PACS1: variants seen among roughly 807,000 people sequenced by gnomAD.
PACS1 encodes PACS-1.
In PACS1, 24 loss-of-function variants were observed where a neutral mutation model predicts 115.0. The observed-to-expected ratio is 0.21, with a 90% CI of 0.15 to 0.29. PACS1 has a LOEUF of 0.29. Ranked by LOEUF, PACS1 falls within the 10% of genes least tolerant of loss-of-function variation. The pLI is 1.00. For synonymous variants in PACS1, 453 were observed against 504.5 expected, an observed-to-expected ratio of 0.90 and a Z score of 1.37; for missense variants, 838 against 1,251.2, an observed-to-expected ratio of 0.67 and a Z score of 4.98.
chr11:66,202,427 A>C (rs1010528633), intron 2 of PACS1, among the ~76,000 whole-genome samples: 2 of 152,140 alleles, frequency 1.3e-5, no homozygotes, highest in African/African-American at 2.4e-5. Flanking sequence ...ACTGATACAA[A>C]AATCATCAAG....
chr11:66,107,467 C>G (rs1858076434), intron 1 of PACS1, among the ~76,000 whole-genome samples: 1 of 152,084 alleles, frequency 6.6e-6, no homozygotes, highest in African/African-American at 2.4e-5. Flanking sequence ...TCCCTGTTTC[C>G]AGGTAGAATG....
intron 1 of PACS1, among the ~76,000 whole-genome samples, chr11:66,128,129 A>C (rs141517675): frequency 1.2e-3 from 180 of 152,324 alleles, no homozygotes; most frequent in African/African-American, 4.0e-3. Context: ...GAGATGAATG[A>C]ACCAATAGTC....
chr11:66,135,462 T>C (rs1166734904), intron 1 of PACS1, among the ~76,000 whole-genome samples: 3 of 152,216 alleles, frequency 2.0e-5, no homozygotes, highest in Non-Finnish European at 4.4e-5. Flanking sequence ...CTAAAATTGC[T>C]TTGGCTTAAG....
At chr11:66,134,492 G>T (rs1184878628) in intron 1 of PACS1, among the ~76,000 whole-genome samples, 2 of 151,544 alleles carry the variant, frequency 1.3e-5, no homozygotes, top group Non-Finnish European at 2.9e-5. Context: ...CAAATGACAC[G>T]CTACGTATCG....
At chr11:66,160,136 C>T (rs918299) in intron 1 of PACS1, among the ~76,000 whole-genome samples, 31,146 of 152,088 alleles carry the variant, frequency 0.2, 3,270 homozygotes, top group Middle Eastern at 0.28. Flanking sequence ...TGTTCTTCAA[C>T]ACATTAGCGC....
chr11:66,079,309 T>G (rs1306722338), intron 1 of PACS1, among the ~76,000 whole-genome samples: 2 of 148,896 alleles, frequency 1.3e-5, no homozygotes, highest in African/African-American at 4.9e-5. Flanking sequence ...GCAGGTTTTT[T>G]TTTTTTTTTT....
intron 1 of PACS1, among the ~76,000 whole-genome samples, chr11:66,172,064 C>T (rs1405204279): frequency 1.3e-5 from 2 of 152,174 alleles, no homozygotes; most frequent in African/African-American, 4.8e-5. Context: ...CCACGCTTGC[C>T]GTACCGTTTA....
At position 66,216,500 on chromosome 11, in the gene PACS1, T is replaced by C. The variant is rs770129974; in HGVS notation, c.806-20T>C. On this transcript the variant is annotated intron_variant, in intron 5 of 23. Transcript: ENST00000320580. ...AGATCTTCCCATTGCAAGGTTATCT[T>C]ACTCAGGTGTCTGTTGCAGATCGTT... The C allele has an allele frequency of 3.1e-6, 5 of 1,597,698 alleles. No individual in the cohort carries two copies. The African/African-American group carries it at 4.0e-5, about 13-fold the overall frequency.
chr11:66,124,435 G>A (rs552829652), intron 1 of PACS1, among the ~76,000 whole-genome samples: 1 of 152,290 alleles, frequency 6.6e-6, no homozygotes, highest in South Asian at 2.1e-4. Context: ...TGATCATAAA[G>A]ACAGTATTTT....
chr11:66,172,016 G>A (rs964248875), intron 1 of PACS1, among the ~76,000 whole-genome samples: 2 of 152,108 alleles, frequency 1.3e-5, no homozygotes, highest in Middle Eastern at 3.2e-3. Context: ...AACAATTAAA[G>A]GCCCTAAAAA....
intron 1 of PACS1, among the ~76,000 whole-genome samples, chr11:66,099,516 G>A (rs927239807): frequency 6.6e-6 from 1 of 151,954 alleles, no homozygotes; most frequent in Admixed American, 6.6e-5. Context: ...AAGCCACCGT[G>A]CCCAGCCTAT....
chr11:66,221,426 T>TC, intron 10 of PACS1, 179 bp downstream of exon 10: 1 of 611,120 alleles, frequency 1.6e-6, no homozygotes, highest in Non-Finnish European at 3.0e-6. Flanking sequence ...GTCGGGCAGA[T>TC]CATGAGGTCA....
At chr11:66,129,391 C>T (rs571434) in intron 1 of PACS1, among the ~76,000 whole-genome samples, 106,951 of 149,584 alleles carry the variant, frequency 0.71, 39,541 homozygotes, top group Non-Finnish European at 0.81. Context: ...GAGATCGCAC[C>T]ACTGCACTCC....
chr11:66,193,614 TG>T, intron 2 of PACS1, 41 bp downstream of exon 2: 1 of 1,456,578 alleles, frequency 6.9e-7, no homozygotes, highest in Non-Finnish European at 9.6e-7. Flanking sequence ...CCAGGGAAGC[TG>T]GATAACCATT....
chr11:66,122,134 T>A (rs1174214618), intron 1 of PACS1, among the ~76,000 whole-genome samples: 1 of 152,224 alleles, frequency 6.6e-6, no homozygotes, highest in South Asian at 2.1e-4. Context: ...TCATTGACTA[T>A]TCTGAAAATT....
In PACS1 at chr11:66,242,931, C is replaced by T. The variant is rs996865632; in HGVS notation, c.2676C>T (p.Ser892=). 3.8e-5 allele frequency: 61 copies of T among 1,613,996 alleles called. No homozygotes were observed. Among genetic ancestry groups the T allele is most frequent in the Non-Finnish European group, 5.1e-5 (60 of 1,179,954 alleles). ...KNKKVPTIFL[S]KKPREKEVDS... Reference sequence around the variant, plus strand: ...TTCCAGTTCCCACCATCTTCCTGAGCAAGAAACCCCGAGAAAAGGAGGTGG... The same window carrying T: ...TTCCAGTTCCCACCATCTTCCTGAGTAAGAAACCCCGAGAAAAGGAGGTGG... The change falls in exon 23 of 24, where the codon AGC becomes AGT. Residue 892 remains serine (S), a synonymous_variant. Transcript: ENST00000320580.
At chr11:66,208,038 G>A (rs1019508484) in intron 2 of PACS1, among the ~76,000 whole-genome samples, 3 of 152,100 alleles carry the variant, frequency 2.0e-5, no homozygotes, top group Non-Finnish European at 4.4e-5. Context: ...CAAAGTGCCG[G>A]GATTACAGGT....
intron 1 of PACS1, among the ~76,000 whole-genome samples, chr11:66,133,853 T>C (rs1346424972): frequency 3.3e-5 from 5 of 152,276 alleles, no homozygotes; most frequent in Non-Finnish European, 2.9e-5. Context: ...TTCTTTTTTT[T>C]CCCATCACAA....
In PACS1 at chr11:66,238,819, C is replaced by G; in HGVS notation, c.2266C>G (p.Leu756Val). 1 of 1,588,248 alleles carries G rather than the reference C, an allele frequency of 6.3e-7. No individual in the cohort carries two copies. The highest frequency in any genetic ancestry group is 8.6e-7 in the Non-Finnish European group (1 of 1,165,450). ...CTCCTTGCAGGTGGTGAAGGTGGGT[C>G]TGGTTGAAGACTCTCCCTCCACAGC... ...IPFIGVVKVG[L>V]VEDSPSTAGD... Residue 756 changes from leucine to valine, a missense_variant, in exon 20 of 24, where the codon CTG becomes GTG. Around this residue, in one of 6 missense-constraint regions of PACS1, gnomAD observed 383 missense variants for 537.0 expected, o/e 0.71. Transcript: ENST00000320580.
Sources: gnomAD v4.1 joint callset for allele counts (sites outside exome capture counted in the v4.1 genomes callset) on GRCh38, gnomAD v4.1.1 for gene constraint, gnomAD v4.1.1 regional missense constraint, MANE v1.5 for transcripts, NCBI Gene and HGNC (gene_info 2026-07-23, HGNC 2026-07-21) for gene names.